Variants in KLF12 observed in about 807,000 individuals in gnomAD.
KLF12 encodes KLF transcription factor 12, also known as Krueppel-like factor 12.
In KLF12, 9 loss-of-function variants were observed where a neutral mutation model predicts 37.8. The observed-to-expected ratio is 0.24, with a 90% CI of 0.14 to 0.42. KLF12 has a LOEUF of 0.42. Ranked by LOEUF, KLF12 falls within the 10% of genes least tolerant of loss-of-function variation. The pLI is 1.00. For missense variants in KLF12, 411 were observed against 516.0 expected (o/e 0.80, Z 1.97); for synonymous variants, 208 against 202.1 (o/e 1.03, Z -0.25).
At chr13:74,105,323 G>A (rs958531758) in intron 1 of KLF12, among the ~76,000 whole-genome samples, 19 of 152,034 alleles carry the variant, frequency 1.2e-4, no homozygotes, top group African/African-American at 4.6e-4. Flanking sequence ...ACTGGGTTTT[G>A]TCCCTAAATA....
chr13:73,884,145 C>T (rs185162983), intron 3 of KLF12, among the ~76,000 whole-genome samples: 215 of 152,272 alleles, frequency 1.4e-3, no homozygotes, highest in Non-Finnish European at 2.4e-3. Context: ...GGAACTCTTT[C>T]TCATCTGGAA....
At chr13:74,071,491 C>T (rs1237057052) in intron 1 of KLF12, among the ~76,000 whole-genome samples, 2 of 151,108 alleles carry the variant, frequency 1.3e-5, no homozygotes, top group African/African-American at 2.4e-5. Flanking sequence ...TCGAGACCAT[C>T]CTGGCTAACA....
intron 1 of KLF12, among the ~76,000 whole-genome samples, chr13:74,006,881 T>C (rs1892422769): frequency 6.6e-6 from 1 of 152,230 alleles, no homozygotes; most frequent in Non-Finnish European, 1.5e-5. Context: ...CTCTAGTCTC[T>C]GCTCTTTCCA....
chr13:74,196,347 G>A, the KLF12 span, among the ~76,000 whole-genome samples: 1 of 152,180 alleles, frequency 6.6e-6, no homozygotes, highest in Non-Finnish European at 1.5e-5. Flanking sequence ...AGGAGGGAGA[G>A]AGAAGACAGA....
At chr13:73,805,284 A>G (rs181006957) in intron 5 of KLF12, among the ~76,000 whole-genome samples, 1 of 152,162 alleles carries the variant, frequency 6.6e-6, no homozygotes, top group East Asian at 1.9e-4. Flanking sequence ...TTCTCCCTAA[A>G]CCAAATTATA....
the KLF12 span, among the ~76,000 whole-genome samples, chr13:74,182,885 T>C: frequency 2.1e-3 from 317 of 152,222 alleles, 4 homozygotes; most frequent in African/African-American, 7.4e-3. Flanking sequence ...TTAGTACATG[T>C]GACACACTTC....
the KLF12 span, among the ~76,000 whole-genome samples, chr13:74,148,908 G>T: frequency 1.3e-5 from 2 of 150,304 alleles, no homozygotes; most frequent in African/African-American, 5.0e-5. Flanking sequence ...TCCGCCTCCC[G>T]GGTTCAGGCA....
the KLF12 span, among the ~76,000 whole-genome samples, chr13:74,291,994 A>T: frequency 6.6e-6 from 1 of 152,238 alleles, no homozygotes; most frequent in African/African-American, 2.4e-5. Context: ...TTACAATATT[A>T]TTGTAGACAT....
the KLF12 span, among the ~76,000 whole-genome samples, chr13:74,269,923 G>A: frequency 6.6e-6 from 1 of 152,316 alleles, no homozygotes; most frequent in Admixed American, 6.5e-5. Context: ...TTGGTATTCA[G>A]TGTACACAGT....
chr13:74,018,353 C>A (rs990605128), intron 1 of KLF12, among the ~76,000 whole-genome samples: 37 of 152,198 alleles, frequency 2.4e-4, no homozygotes, highest in Admixed American at 2.0e-4. Flanking sequence ...TGCAGTTAGA[C>A]AGGAGAAATA....
chr13:74,160,172 C>G, the KLF12 span, among the ~76,000 whole-genome samples: 1 of 152,220 alleles, frequency 6.6e-6, no homozygotes, highest in South Asian at 2.1e-4. Flanking sequence ...ACTGAACATC[C>G]TATTTCAGAA....
At chr13:73,788,486 T>G (rs1464164704) in intron 5 of KLF12, among the ~76,000 whole-genome samples, 2 of 152,200 alleles carry the variant, frequency 1.3e-5, no homozygotes, top group Non-Finnish European at 2.9e-5. Context: ...AGCTATAGTT[T>G]AAGACCAAAC....
chr13:74,100,715 G>A (rs373042899), intron 1 of KLF12, among the ~76,000 whole-genome samples: 2 of 152,144 alleles, frequency 1.3e-5, no homozygotes, highest in African/African-American at 4.8e-5. Flanking sequence ...TGTATTTATG[G>A]AGTGTGTACA....
intron 1 of KLF12, among the ~76,000 whole-genome samples, chr13:74,030,342 G>T (rs1893082533): frequency 6.6e-6 from 1 of 152,074 alleles, no homozygotes; most frequent in Admixed American, 6.6e-5. Context: ...CAGAGCAGGA[G>T]CACACACTCT....
At chr13:73,912,818 C>G (rs1463557788) in intron 3 of KLF12, among the ~76,000 whole-genome samples, 1 of 152,168 alleles carries the variant, frequency 6.6e-6, no homozygotes, top group Non-Finnish European at 1.5e-5. Flanking sequence ...GGCTTTTTAT[C>G]TCTTTTCAGG....
chr13:73,807,030 G>A (rs983156524), intron 5 of KLF12, among the ~76,000 whole-genome samples: 2 of 152,100 alleles, frequency 1.3e-5, no homozygotes, highest in Non-Finnish European at 2.9e-5. Context: ...ATTATGGCCG[G>A]GCACGGTGGC....
chr13:73,944,023 C>G lies in KLF12; in HGVS notation c.81G>C (p.Pro27=). Reference sequence around the variant, plus strand: ...AAAGCTCTGTTTTGACTCTGACTGCCGGCATCCCATCAAGCATTAACATTC... The same window carrying G: ...AAAGCTCTGTTTTGACTCTGACTGCGGGCATCCCATCAAGCATTAACATTC... Residue 27 remains proline (P), a synonymous_variant, in exon 3 of 8, where the codon CCG becomes CCC. Transcript: ENST00000377669. The G allele has an allele frequency of 6.2e-7, 1 of 1,612,824 alleles. No individual in the cohort carries two copies.
intron 4 of KLF12, among the ~76,000 whole-genome samples, chr13:73,815,218 G>A (rs1422102053): frequency 1.3e-5 from 2 of 152,144 alleles, no homozygotes; most frequent in East Asian, 3.9e-4. Context: ...AGGGATGTTG[G>A]AGAAACTGTA....
At chr13:74,019,612 C>T (rs529212955) in intron 1 of KLF12, among the ~76,000 whole-genome samples, 1 of 152,336 alleles carries the variant, frequency 6.6e-6, no homozygotes, top group East Asian at 1.9e-4. Flanking sequence ...TATAATGTTA[C>T]ATCTCTTGTA....
Sources: allele counts gnomAD v4.1 joint callset (sites outside exome capture counted in the v4.1 genomes callset), GRCh38; gene constraint gnomAD v4.1.1; transcripts MANE v1.5; gene names NCBI Gene and HGNC (gene_info 2026-07-23, HGNC 2026-07-21).